ZNF430: variants seen among roughly 807,000 people sequenced by gnomAD.
ZNF430 encodes zinc finger protein 430.
ZNF430 carries 35 observed loss-of-function variants against 56.7 expected under a neutral mutation model. That is an observed-to-expected ratio of 0.62 (90% CI 0.47 to 0.82). The LOEUF (loss-of-function observed/expected upper bound fraction) is 0.82, where lower values mean the gene tolerates loss of function less well. Ranked by LOEUF, ZNF430 falls within the 40% of genes least tolerant of loss-of-function variation. The pLI, the probability that ZNF430 is intolerant of heterozygous loss-of-function variation, is 0.00. For missense variants in ZNF430, 574 were observed against 661.0 expected, an observed-to-expected ratio of 0.87 and a Z score of 1.44; for synonymous variants, 212 against 224.3, an observed-to-expected ratio of 0.94 and a Z score of 0.49.
chr19:21,048,865 C>G (rs945244623), intron 4 of ZNF430, among the ~76,000 whole-genome samples: 2 of 151,778 alleles, frequency 1.3e-5, no homozygotes, highest in African/African-American at 4.8e-5. Context: ...GGCTGCCCCC[C>G]ACCTCCCTCC....
chr19:21,028,045 A>G (rs1967835358), intron 2 of ZNF430, among the ~76,000 whole-genome samples: 1 of 152,190 alleles, frequency 6.6e-6, no homozygotes, highest in Admixed American at 6.5e-5. Flanking sequence ...ACACCCAAGA[A>G]TGCAGAGTGT....
rs755957495 is a variant in ZNF430 at position 21,058,098 on chromosome 19, G to A, written c.*77G>A. ...CATTCATACTGAAGAGGAACCCTAT[G>A]AGTGTGAAGAATATGGCAAAGCCTT... On this transcript the variant is annotated 3_prime_UTR_variant, in exon 5 of 5. Coordinates refer to ENST00000261560, the MANE Select transcript of ZNF430 (RefSeq NM_025189.4). 14 of 1,322,432 alleles carry A rather than the reference G, an allele frequency of 1.1e-5. No homozygotes were observed. The Admixed American group carries it at 2.5e-4, about 23-fold the overall frequency. The allele number at this position is 1,322,432 out of a possible 1,614,324, so 81.9% of individuals were successfully genotyped here. A position where few individuals can be genotyped will look rare whatever the true frequency, so the allele number is the denominator to read the frequency against.
chr19:21,057,054 C>T lies in ZNF430; in HGVS notation c.746C>T (p.Thr249Ile), dbSNP rs1170162061. The change falls in exon 5 of 5, where the codon ACT (threonine) becomes ATT (isoleucine). Residue 249 changes from threonine (T) to isoleucine (I), a missense_variant. Coordinates refer to ENST00000261560, the MANE Select transcript of ZNF430 (RefSeq NM_025189.4). Reference protein sequence around the residue: ...GKVFNWFSTLTRHRRIHTGEK... With the variant: ...GKVFNWFSTLIRHRRIHTGEK... ...GTCTTTAACTGGTTCTCAACCCTTA[C>T]TAGACACAGAAGAATTCATACTGGA... 2.5e-6 allele frequency: 4 copies of T among 1,613,922 alleles called. No homozygotes were observed. Among genetic ancestry groups the T allele is most frequent in the Admixed American group, 3.3e-5 (2 of 59,994 alleles).
intron 2 of ZNF430, 48 bp downstream of exon 2, chr19:21,022,929 T>G (rs781275035): frequency 7.4e-7 from 1 of 1,350,938 alleles, no homozygotes; most frequent in South Asian, 1.2e-5. Flanking sequence ...CCAGCTTTCA[T>G]TTCTTGGAGA....
Position 21,057,681 on chromosome 19 carries a change from A to G in ZNF430, c.1373A>G (p.Lys458Arg), listed in dbSNP as rs182772213. Residue 458 changes from lysine (K) to arginine (R), a missense_variant, in exon 5 of 5, where the codon AAA (lysine) becomes AGA (arginine). Transcript: ENST00000261560. ...KIIHTGEKPY[K>R]CEECGKAFNR... ...ATTCATACTGGAGAGAAACCCTACA[A>G]ATGTGAAGAATGTGGCAAAGCCTTT... The G allele has an allele frequency of 7.4e-5, 120 of 1,610,972 alleles. No homozygotes were observed. The African/African-American group carries it at 1.5e-3, about 21-fold the overall frequency.
rs1197659739 is a variant in ZNF430, at chr19:21,056,797, T to A, written c.489T>A (p.Asp163Glu). ...DECNLHKECY[D>E]ELNQCLTTTQ... ...GTAATCTGCACAAAGAATGTTATGA[T>A]GAACTAAACCAGTGTTTGACAACTA... is the stretch of plus-strand genomic sequence containing the variant. The change falls in exon 5 of 5, where the codon GAT (aspartate) becomes GAA (glutamate). Residue 163 changes from aspartate (D) to glutamate (E), a missense_variant. Asp to Glu is a conservative substitution (Grantham distance 45). Around this residue, in one of 3 missense-constraint regions of ZNF430, gnomAD observed 346 missense variants for 399.1 expected, o/e 0.87. Coordinates refer to ENST00000261560, the MANE Select transcript of ZNF430 (RefSeq NM_025189.4). 6.2e-7 allele frequency: 1 copy of A among 1,614,002 alleles called. No individual in the cohort carries two copies. Among genetic ancestry groups the A allele is most frequent in the Admixed American group, 1.7e-5 (1 of 60,014 alleles).
At chr19:21,050,566 C>G (rs1968266823) in intron 4 of ZNF430, among the ~76,000 whole-genome samples, 1 of 152,066 alleles carries the variant, frequency 6.6e-6, no homozygotes, top group Non-Finnish European at 1.5e-5. Context: ...GCAGTCATCT[C>G]CTAATTTCAA....
chr19:21,038,497 A>T (rs1482440816), intron 4 of ZNF430, among the ~76,000 whole-genome samples: 1 of 151,738 alleles, frequency 6.6e-6, no homozygotes. Flanking sequence ...GCTCGATCTC[A>T]GCTCACTGCA....
chr19:21,050,768 C>T (rs1430552391), intron 4 of ZNF430, among the ~76,000 whole-genome samples: 2 of 152,098 alleles, frequency 1.3e-5, no homozygotes, highest in East Asian at 3.8e-4. Context: ...TGGCTCATGC[C>T]TGTAATCCCA....
rs139942883 is a variant in ZNF430, at chr19:21,041,030, A to G, written c.322+6846A>G. On this transcript the variant is annotated intron_variant, in intron 4 of 4. Coordinates refer to ENST00000261560, the MANE Select transcript of ZNF430 (RefSeq NM_025189.4). The stretch of plus-strand genomic sequence containing the variant: ...AGATTCTTTTCATTCTATTACTTTC[A>G]GCCTATTTGACTCAATGCTAAAATG... Among the ~76,000 whole-genome samples the G allele has an allele frequency of 3.9e-3, 598 of 152,312 alleles. 5 individuals are homozygous for G. Among genetic ancestry groups the G allele is most frequent in the African/African-American group, 0.014 (572 of 41,570 alleles).
intron 4 of ZNF430, among the ~76,000 whole-genome samples, chr19:21,044,335 A>G (rs1054081310): frequency 2.0e-5 from 3 of 152,214 alleles, no homozygotes; most frequent in African/African-American, 7.2e-5. Context: ...ATCTATTGAG[A>G]TAATCATATG....
intron 4 of ZNF430, among the ~76,000 whole-genome samples, chr19:21,039,768 C>G (rs1364621812): frequency 1.3e-5 from 2 of 152,038 alleles, no homozygotes; most frequent in Non-Finnish European, 2.9e-5. Context: ...ACCCGGCCTA[C>G]TTTTGCTTTT....
intron 4 of ZNF430, chr19:21,049,553 T>G (rs916230141): frequency 7.3e-5 from 11 of 150,228 alleles, no homozygotes; most frequent in African/African-American, 2.7e-4. Flanking sequence ...TCAAGAGATC[T>G]GACTGCCTTG....
chr19:21,022,918 C>T, intron 2 of ZNF430, 37 bp downstream of exon 2: 1 of 1,443,112 alleles, frequency 6.9e-7, no homozygotes, highest in Non-Finnish European at 9.8e-7. Flanking sequence ...CTTCACCCAA[C>T]CCAGCTTTCA....
chr19:21,051,007 A>G (rs1223652490), intron 4 of ZNF430, among the ~76,000 whole-genome samples: 2 of 152,126 alleles, frequency 1.3e-5, no homozygotes, highest in Non-Finnish European at 2.9e-5. Flanking sequence ...CAGCCTGGGC[A>G]ACAGAGCAAG....
intron 2 of ZNF430, among the ~76,000 whole-genome samples, chr19:21,029,826 G>A (rs187244133): frequency 5.3e-5 from 8 of 152,266 alleles, no homozygotes; most frequent in South Asian, 2.1e-4. Context: ...TTAGCCGGGC[G>A]TGGTGGCACA....
intron 4 of ZNF430, among the ~76,000 whole-genome samples, chr19:21,050,885 G>A (rs924195101): frequency 2.6e-5 from 4 of 151,964 alleles, no homozygotes; most frequent in Non-Finnish European, 5.9e-5. Flanking sequence ...AAAACTACCC[G>A]GGTGTGGTGG....
At chr19:21,051,652 C>T (rs75731933) in intron 4 of ZNF430, among the ~76,000 whole-genome samples, 8,984 of 152,126 alleles carry the variant, frequency 0.059, 654 homozygotes, top group African/African-American at 0.18. Flanking sequence ...TACCACCAAG[C>T]CCAGCTAATT....
intron 2 of ZNF430, among the ~76,000 whole-genome samples, chr19:21,028,875 A>G: frequency 6.6e-6 from 1 of 151,590 alleles, no homozygotes; most frequent in South Asian, 2.1e-4. Flanking sequence ...TAATAAAGAC[A>G]GGGTTTCACC....
Sources: gnomAD v4.1 joint callset for allele counts (sites outside exome capture counted in the v4.1 genomes callset) on GRCh38, gnomAD v4.1.1 for gene constraint, gnomAD v4.1.1 regional missense constraint, MANE v1.5 for transcripts, NCBI Gene and HGNC (gene_info 2026-07-23, HGNC 2026-07-21) for gene names.